The following DNAH5 variants were observed in gnomAD, a reference collection of about 807,000 sequenced individuals.
DNAH5 encodes dynein axonemal heavy chain 5.
In DNAH5, 372 loss-of-function variants were observed where a neutral mutation model predicts 518.2. That is an observed-to-expected ratio of 0.72 (90% confidence interval 0.66 to 0.78). DNAH5 has a LOEUF of 0.78. Among genes scored for constraint, DNAH5 ranks in the 30% least tolerant of loss-of-function variants. The pLI, the probability that DNAH5 is intolerant of heterozygous loss-of-function variation, is 0.00. For synonymous variants in DNAH5, 2,039 were observed against 2,025.9 expected (o/e 1.01, Z -0.17); for missense variants, 5,523 against 5,687.0 (o/e 0.97, Z 0.93).
chr5:13,744,902 GATTAAACAAGAGA>G (rs371406112), intron 65 of DNAH5, among the ~76,000 whole-genome samples: 31 of 152,150 alleles, frequency 2.0e-4, no homozygotes, highest in African/African-American at 6.5e-4. Flanking sequence ...AAAATAGAAA[GATTAAACAAGAGA>G]ACTCAGAAAG....
chr5:13,988,288 TCTC>T (rs1212900109), intron 1 of DNAH5, among the ~76,000 whole-genome samples: 1 of 152,200 alleles, frequency 6.6e-6, no homozygotes, highest in Admixed American at 6.5e-5. Context: ...GTCCCTTTGG[TCTC>T]CCATTCTGGA....
At position 13,913,847 on chromosome 5, in the gene DNAH5, G is replaced by A. The variant is rs747900131; in HGVS notation, c.1432C>T (p.Arg478Ter). The A allele has an allele frequency of 1.2e-5, 20 of 1,613,368 alleles. No homozygotes were observed. The highest frequency in any genetic ancestry group is 3.3e-5 in the Admixed American group (2 of 59,964). The change falls in exon 11 of 79, where the codon CGA (arginine) becomes TGA (stop). Residue 478 changes from arginine to a stop codon, truncating the protein, a stop_gained. Coordinates refer to ENST00000265104, the MANE Select transcript of DNAH5 (RefSeq NM_001369.3). LOFTEE classifies it high-confidence loss of function. Reference protein sequence around the residue: ...YIFGKFETFHRRLAKIIDIFT... With the variant: ...YIFGKFETFH ...ATGTCTATTATCTTGGCAAGGCGTC[G>A]GTGAAAAGTTTCGAATTTTCCAAAA...
At chr5:13,772,456 C>T (rs944478988) in intron 55 of DNAH5, among the ~76,000 whole-genome samples, 2 of 152,192 alleles carry the variant, frequency 1.3e-5, no homozygotes, top group Non-Finnish European at 2.9e-5. Context: ...GGAAAGGTTA[C>T]AGAAAGAAGC....
At chr5:13,854,948 T>C (rs1028999028) in intron 30 of DNAH5, among the ~76,000 whole-genome samples, 2 of 152,184 alleles carry the variant, frequency 1.3e-5, no homozygotes, top group African/African-American at 4.8e-5. Flanking sequence ...GTTAAAGAAA[T>C]GTTTAATTAC....
chr5:13,738,221 G>A (rs1747864157), intron 65 of DNAH5, among the ~76,000 whole-genome samples: 1 of 150,994 alleles, frequency 6.6e-6, no homozygotes, highest in Non-Finnish European at 1.5e-5. Context: ...TCAGTTTCAA[G>A]TGATTGCTGT....
In DNAH5 at chr5:13,811,798, T is replaced by C. The variant is rs1431750299; in HGVS notation, c.7256A>G (p.Gln2419Arg). The change falls in exon 44 of 79, where the codon CAA becomes CGA. Residue 2419 changes from glutamine (Q) to arginine (R), a missense_variant. Physicochemically the swap from Gln to Arg is conservative, Grantham distance 43. This residue lies in a region of DNAH5 where 5,121 missense variants were observed against 5,223.3 expected (regional missense o/e 0.98). Coordinates refer to ENST00000265104, the MANE Select transcript of DNAH5 (RefSeq NM_001369.3). ...LEGFLKKRSP[Q>R]EAEILRQLYT... Reference sequence around the variant, plus strand: ...CAGCTGACGAAGAATTTCTGCTTCTTGAGGTGAGCGTTTCTTAAGAAAACC... The same window carrying C: ...CAGCTGACGAAGAATTTCTGCTTCTCGAGGTGAGCGTTTCTTAAGAAAACC... 1 of 1,614,042 alleles carries C rather than the reference T, an allele frequency of 6.2e-7. No individual in the cohort carries two copies. Among genetic ancestry groups the C allele is most frequent in the African/African-American group, 1.3e-5 (1 of 74,934 alleles).
intron 1 of DNAH5, among the ~76,000 whole-genome samples, chr5:13,973,223 T>C (rs958496116): frequency 4.6e-5 from 7 of 152,148 alleles, no homozygotes; most frequent in Non-Finnish European, 7.4e-5. Context: ...CAGATGACCT[T>C]TAGAAGCTGA....
chr5:13,824,243 T>C lies in DNAH5; in HGVS notation c.6535A>G (p.Thr2179Ala), dbSNP rs775052084. Residue 2179 changes from threonine (T) to alanine (A), a missense_variant, in exon 39 of 79, where the codon ACG becomes GCG. Transcript: ENST00000265104. ...KRANPMDTESTIVMRVLRDMN... is the reference protein window; with the variant it reads ...KRANPMDTESAIVMRVLRDMN... ...TCCCGTAGTACACGCATGACAATCG[T>C]GGACTCCGTATCCATTGGATTGGCT... The C allele has an allele frequency of 6.2e-7, 1 of 1,614,164 alleles. No individual in the cohort carries two copies. The highest frequency in any genetic ancestry group is 8.5e-7 in the Non-Finnish European group (1 of 1,179,994).
intron 65 of DNAH5, among the ~76,000 whole-genome samples, chr5:13,743,244 A>G (rs1369022442): frequency 6.6e-6 from 1 of 152,074 alleles, no homozygotes; most frequent in Non-Finnish European, 1.5e-5. Context: ...GATTTGTGCT[A>G]AGTGTTCTAT....
At chr5:13,780,709 T>G in intron 53 of DNAH5, 120 bp downstream of exon 53, 1 of 1,134,290 alleles carries the variant, frequency 8.8e-7, no homozygotes, top group Non-Finnish European at 1.3e-6. Context: ...AAGTCAACAT[T>G]CAAGAAGGAA....
At position 13,704,151 on chromosome 5, in the gene DNAH5, C is replaced by T. The variant is rs1299251615; in HGVS notation, c.13339-2715G>A. On this transcript the variant is annotated intron_variant, in intron 76 of 78. Coordinates refer to ENST00000265104, the MANE Select transcript of DNAH5 (RefSeq NM_001369.3). ...GCAGCTCCTGAAGTATGATCAGTGA[C>T]TTGGCACTAGGGCAGCAGCAGGTTG... 3.3e-5 allele frequency among the ~76,000 whole-genome samples: 5 copies of T among 152,184 alleles called. No individual in the cohort carries two copies. In the East Asian group the frequency reaches 9.6e-4, roughly 29 times the overall value.
intron 5 of DNAH5, among the ~76,000 whole-genome samples, chr5:13,920,943 G>GA (rs200753179): frequency 0.013 from 1,986 of 151,590 alleles, 35 homozygotes; most frequent in African/African-American, 0.045. Context: ...GGACCCATAT[G>GA]AAAAAAACAC....
chr5:13,854,085 G>A (rs1433765306), intron 30 of DNAH5, among the ~76,000 whole-genome samples: 2 of 152,066 alleles, frequency 1.3e-5, no homozygotes, highest in Non-Finnish European at 2.9e-5. Context: ...ATTCACCAAG[G>A]TTGAAATGAA....
At chr5:13,955,373 G>A (rs1327741649) in intron 1 of DNAH5, among the ~76,000 whole-genome samples, 4 of 152,110 alleles carry the variant, frequency 2.6e-5, no homozygotes, top group African/African-American at 7.2e-5. Flanking sequence ...CCAGTCTCAG[G>A]TATGTCTTTA....
chr5:13,869,125 C>A (rs1254294848), intron 24 of DNAH5, among the ~76,000 whole-genome samples: 1 of 152,096 alleles, frequency 6.6e-6, no homozygotes, highest in Non-Finnish European at 1.5e-5. Context: ...GCAGGTTGGA[C>A]CATGTGATCC....
chr5:13,873,305 T>C (rs181258184), intron 22 of DNAH5, among the ~76,000 whole-genome samples: 1 of 152,176 alleles, frequency 6.6e-6, no homozygotes. Flanking sequence ...TATAGTGTTA[T>C]TAAATATGTG....
intron 28 of DNAH5, among the ~76,000 whole-genome samples, chr5:13,863,501 T>C (rs187193727): frequency 6.6e-6 from 1 of 152,162 alleles, no homozygotes; most frequent in East Asian, 1.9e-4. Context: ...CACTTAGGTC[T>C]CTCAGCAAGA....
chr5:13,914,505 T>C lies in DNAH5; in HGVS notation c.1320+15A>G. The C allele has an allele frequency of 6.2e-7, 1 of 1,612,174 alleles. No homozygotes were observed. The highest frequency in any genetic ancestry group is 8.5e-7 in the Non-Finnish European group (1 of 1,179,064). The stretch of plus-strand genomic sequence containing the variant: ...TAAAAAGAATAGAACATCTAAATAC[T>C]AAACTGACCATTACCTGTTTCAGTT... On this transcript the variant is annotated intron_variant, in intron 10 of 78. Coordinates refer to ENST00000265104, the MANE Select transcript of DNAH5 (RefSeq NM_001369.3).
At position 13,864,502 on chromosome 5, in the gene DNAH5, T is replaced by C. The variant is rs1768937134; in HGVS notation, c.4491A>G (p.Glu1497=). 1 of 1,614,032 alleles carries C rather than the reference T, an allele frequency of 6.2e-7. No homozygotes were observed. The highest frequency in any genetic ancestry group is 8.5e-7 in the Non-Finnish European group (1 of 1,180,028). The change falls in exon 28 of 79, where the codon GAA becomes GAG. Residue 1497 remains glutamate (E), a synonymous_variant. Coordinates refer to ENST00000265104, the MANE Select transcript of DNAH5 (RefSeq NM_001369.3). Reference sequence around the variant, plus strand: ...TGTGCCCGGTGAGGGTGGTTATCCTTTCCCAGTGCCGCTCCATCATGGCTT... The same window carrying C: ...TGTGCCCGGTGAGGGTGGTTATCCTCTCCCAGTGCCGCTCCATCATGGCTT... The part of the protein sequence containing the change: ...ASKAMMERHW[E]RITTLTGHSL...
Sources: gnomAD v4.1 joint callset for allele counts (sites outside exome capture counted in the v4.1 genomes callset) on GRCh38, gnomAD v4.1.1 for gene constraint, gnomAD v4.1.1 regional missense constraint, MANE v1.5 for transcripts, NCBI Gene and HGNC (gene_info 2026-07-23, HGNC 2026-07-21) for gene names.